Variants in UGT3A2 observed in about 807,000 individuals in gnomAD.
The protein encoded by UGT3A2 is UDP-glycosyltransferase 3A2.
A neutral mutation model predicts 39.8 loss-of-function variants in UGT3A2; 32 were observed. The observed-to-expected ratio is 0.80, with a 90% confidence interval of 0.61 to 1.08. The LOEUF (loss-of-function observed/expected upper bound fraction) is 1.08, where lower values mean the gene tolerates loss of function less well. Ranked by LOEUF, UGT3A2 falls within the 50% of genes least tolerant of loss-of-function variation. The pLI, the probability that UGT3A2 is intolerant of heterozygous loss-of-function variation, is 0.00. For synonymous variants in UGT3A2, 241 were observed against 230.7 expected (o/e 1.04, Z -0.40); for missense variants, 611 against 637.1 (o/e 0.96, Z 0.44).
Position 36,039,575 on chromosome 5 carries a change from C to T in UGT3A2, c.977G>A (p.Gly326Glu). 6.2e-7 allele frequency: 1 copy of T among 1,614,146 alleles called. No individual in the cohort carries two copies. The highest frequency in any genetic ancestry group is 8.5e-7 in the Non-Finnish European group (1 of 1,180,028). ...AGAACACTGACACTTCCATATCACC[C>T]CTTGGGGTAGGTGAGCAAAGGCATT... ...MNNAFAHLPQGVIWKCQCSHW... is the reference protein window; with the variant it reads ...MNNAFAHLPQEVIWKCQCSHW... Residue 326 changes from glycine (G) to glutamate (E), a missense_variant, in exon 5 of 7, where the codon GGG becomes GAG. By Grantham distance (98) the Gly-to-Glu change is moderately conservative (BLOSUM62 -2). Coordinates refer to ENST00000282507, the MANE Select transcript of UGT3A2 (RefSeq NM_174914.4).
intron 1 of UGT3A2, among the ~76,000 whole-genome samples, chr5:36,066,183 G>A (rs1290456354): frequency 6.6e-6 from 1 of 152,196 alleles, no homozygotes; most frequent in Non-Finnish European, 1.5e-5. Context: ...TTGCAGCCAT[G>A]AAATACCTGC....
chr5:36,043,146 T>C (rs1742063294), intron 4 of UGT3A2, among the ~76,000 whole-genome samples: 1 of 152,004 alleles, frequency 6.6e-6, no homozygotes, highest in African/African-American at 2.4e-5. Flanking sequence ...AAACAACTTT[T>C]AAGAAATTCA....
At chr5:36,042,509 TAAC>T (rs1561490412) in intron 4 of UGT3A2, among the ~76,000 whole-genome samples, 4 of 150,872 alleles carry the variant, frequency 2.7e-5, no homozygotes, top group South Asian at 4.2e-4. Flanking sequence ...AGAAAACAAA[TAAC>T]AAAATGACAG....
Position 36,037,927 on chromosome 5 carries a change from G to C in UGT3A2, c.1165C>G (p.Pro389Ala), listed in dbSNP as rs558276655. Residue 389 changes from proline to alanine, a missense_variant, in exon 6 of 7, where the codon CCT becomes GCT. Physicochemically the swap from Pro to Ala is conservative, Grantham distance 27. Coordinates refer to ENST00000282507, the MANE Select transcript of UGT3A2 (RefSeq NM_174914.4). The stretch of plus-strand genomic sequence containing the variant: ...TTTTCAGGCTGGTCTCCAAAGAGAG[G>C]GATCCCCACCATGGGCACACCATGC... ...IQHGVPMVGIPLFGDQPENMV... is the reference protein window; with the variant it reads ...IQHGVPMVGIALFGDQPENMV... 12 of 1,614,140 alleles carry C rather than the reference G, an allele frequency of 7.4e-6. No homozygotes were observed. The highest frequency in any genetic ancestry group is 1.0e-5 in the Non-Finnish European group (12 of 1,180,024).
At position 36,066,698 on chromosome 5, in the gene UGT3A2, A is replaced by G; in HGVS notation, c.92T>C (p.Val31Ala). 8 of 1,614,016 alleles carry G rather than the reference A, an allele frequency of 5.0e-6. No individual in the cohort carries two copies. Among genetic ancestry groups the G allele is most frequent in the Non-Finnish European group, 6.8e-6 (8 of 1,179,984 alleles). The change falls in exon 1 of 7, where the codon GTA becomes GCA. Residue 31 changes from valine to alanine, a missense_variant and splice_region_variant. Coordinates refer to ENST00000282507, the MANE Select transcript of UGT3A2 (RefSeq NM_174914.4). ...EAAKILTIST[V>A]GGSHYLLMDR... ...GAATTCTCCGGCCAAGCACTCACCTACTGTAGATATTGTCAGGATTTTGGC... is the reference window on the plus strand; with the variant it reads ...GAATTCTCCGGCCAAGCACTCACCTGCTGTAGATATTGTCAGGATTTTGGC...
chr5:36,063,008 T>A (rs1008925330), intron 2 of UGT3A2, among the ~76,000 whole-genome samples: 5 of 150,488 alleles, frequency 3.3e-5, no homozygotes, highest in African/African-American at 1.2e-4. Flanking sequence ...GCCACTGTAC[T>A]CCAGCCTGGC....
At chr5:36,046,887 C>A (rs569730013) in intron 4 of UGT3A2, among the ~76,000 whole-genome samples, 2 of 152,310 alleles carry the variant, frequency 1.3e-5, no homozygotes, top group East Asian at 3.9e-4. Flanking sequence ...CCCCAGGTAG[C>A]TCTTAACAAA....
At chr5:36,040,451 T>C (rs1432893241) in intron 4 of UGT3A2, among the ~76,000 whole-genome samples, 1 of 152,094 alleles carries the variant, frequency 6.6e-6, no homozygotes, top group African/African-American at 2.4e-5. Flanking sequence ...TTTAACATCA[T>C]ACCGAGGAAA....
chr5:36,044,288 T>C (rs1742100913), intron 4 of UGT3A2, among the ~76,000 whole-genome samples: 1 of 151,768 alleles, frequency 6.6e-6, no homozygotes. Context: ...AAATTCAAAG[T>C]CCCTTCATGA....
intron 2 of UGT3A2, among the ~76,000 whole-genome samples, chr5:36,052,383 A>C (rs1581010102): frequency 2.0e-5 from 3 of 152,304 alleles, no homozygotes; most frequent in Admixed American, 2.0e-4. Flanking sequence ...AAAGTACTAA[A>C]AGACTTCATT....
rs1742004896 is a variant in UGT3A2 at position 36,041,503 on chromosome 5, C to T, written c.844-1795G>A. Among the ~76,000 whole-genome samples the T allele has an allele frequency of 3.9e-5, 6 of 152,274 alleles. No homozygotes were observed. In the South Asian group the frequency reaches 1.2e-3, roughly 32 times the overall value. On this transcript the variant is annotated intron_variant, in intron 4 of 6. Coordinates refer to ENST00000282507, the MANE Select transcript of UGT3A2 (RefSeq NM_174914.4). ...GAGGTGGTCATGAGAGTGTTTGTGT[C>T]ACCCCTCCCCCAACTCCAGGCAGCT...
chr5:36,043,124 C>T (rs1376575622), intron 4 of UGT3A2, among the ~76,000 whole-genome samples: 4 of 151,962 alleles, frequency 2.6e-5, no homozygotes, highest in Admixed American at 2.6e-4. Flanking sequence ...ATAGACCATA[C>T]ATTAGGCCAT....
chr5:36,054,814 A>G lies in UGT3A2; in HGVS notation c.197-2830T>C, dbSNP rs143123403. On this transcript the variant is annotated intron_variant, in intron 2 of 6. Coordinates refer to ENST00000282507, the MANE Select transcript of UGT3A2 (RefSeq NM_174914.4). ...AGCCTTCTGGGCTAGAAGCTCTGCCATCTGGGCTCATTGCTTCACCTTCAG... is the reference window on the plus strand; with the variant it reads ...AGCCTTCTGGGCTAGAAGCTCTGCCGTCTGGGCTCATTGCTTCACCTTCAG... Among the ~76,000 whole-genome samples, 282 of 152,308 alleles carry G rather than the reference A, an allele frequency of 1.9e-3. 1 individual carries two copies. Among genetic ancestry groups the G allele is most frequent in the African/African-American group, 6.7e-3 (277 of 41,570 alleles).
In UGT3A2 at chr5:36,066,689, C is replaced by A. The variant is rs752509782; in HGVS notation, c.94+7G>T. 24 of 1,614,010 alleles carry A rather than the reference C, an allele frequency of 1.5e-5. No homozygotes were observed. The African/African-American group carries it at 3.1e-4, about 21-fold the overall frequency. ...CCTGTCTGGGAATTCTCCGGCCAAG[C>A]ACTCACCTACTGTAGATATTGTCAG... is the stretch of plus-strand genomic sequence containing the variant. On this transcript the variant is annotated splice_region_variant and intron_variant, in intron 1 of 6. Coordinates refer to ENST00000282507, the MANE Select transcript of UGT3A2 (RefSeq NM_174914.4).
At chr5:36,065,514 C>G (rs971932818) in intron 1 of UGT3A2, among the ~76,000 whole-genome samples, 1 of 152,016 alleles carries the variant, frequency 6.6e-6, no homozygotes. Flanking sequence ...CTTCTTGGAG[C>G]CTGAGGAAGG....
At chr5:36,052,527 C>T (rs1163609858) in intron 2 of UGT3A2, among the ~76,000 whole-genome samples, 4 of 152,070 alleles carry the variant, frequency 2.6e-5, no homozygotes, top group African/African-American at 4.8e-5. Flanking sequence ...CTTCCCAACC[C>T]CATGCTTCAT....
intron 2 of UGT3A2, among the ~76,000 whole-genome samples, chr5:36,055,155 G>A (rs555095832): frequency 6.6e-6 from 1 of 151,888 alleles, no homozygotes; most frequent in Non-Finnish European, 1.5e-5. Context: ...AAAAAATTTG[G>A]GGGGGTACCT....
chr5:36,035,635 G>C lies in UGT3A2; in HGVS notation c.*63C>G. The C allele has an allele frequency of 7.6e-6, 12 of 1,569,502 alleles. No homozygotes were observed. Among genetic ancestry groups the C allele is most frequent in the Non-Finnish European group, 1.0e-5 (12 of 1,155,000 alleles). ...GAGAATGGGGCTGCCAGAACTAGTG[G>C]GAAGCTCCCTAGAAATGGTGACATC... On this transcript the variant is annotated 3_prime_UTR_variant, in exon 7 of 7. Transcript: ENST00000282507.
Position 36,066,853 on chromosome 5 carries a change from C to T in UGT3A2, c.-64G>A, listed in dbSNP as rs934081019. The T allele has an allele frequency of 3.8e-6, 6 of 1,592,302 alleles. No homozygotes were observed. The highest frequency in any genetic ancestry group is 2.2e-5 in the East Asian group (1 of 44,730). On this transcript the variant is annotated 5_prime_UTR_variant, in exon 1 of 7. Coordinates refer to ENST00000282507, the MANE Select transcript of UGT3A2 (RefSeq NM_174914.4). Reference sequence around the variant, plus strand: ...GCGCGCCCTGCGCCCGGCTAAGGGACCCTGTGCACCTCAGTGCGCCAAAGG... The same window carrying T: ...GCGCGCCCTGCGCCCGGCTAAGGGATCCTGTGCACCTCAGTGCGCCAAAGG...
Sources: gnomAD v4.1 joint callset for allele counts (sites outside exome capture counted in the v4.1 genomes callset) on GRCh38, gnomAD v4.1.1 for gene constraint, MANE v1.5 for transcripts, NCBI Gene and HGNC (gene_info 2026-07-23, HGNC 2026-07-21) for gene names.